ACOT11: variants seen among roughly 807,000 people sequenced by gnomAD.
ACOT11 encodes acyl-CoA thioesterase 11.
A neutral mutation model predicts 77.5 loss-of-function variants in ACOT11; 69 were observed. The ratio of observed to expected loss-of-function variants is 0.89; its 90% CI spans 0.73 to 1.09. The LOEUF is 1.09. Among genes scored for constraint, ACOT11 ranks in the 50% least tolerant of loss-of-function variants. ACOT11 has a pLI of 0.00. For missense variants in ACOT11, 766 were observed against 813.7 expected (o/e 0.94, Z 0.71); for synonymous variants, 279 against 313.0 (o/e 0.89, Z 1.15).
At chr1:54,550,115 T>C (rs1217283939) in intron 1 of ACOT11, among the ~76,000 whole-genome samples, 1 of 152,152 alleles carries the variant, frequency 6.6e-6, no homozygotes, top group Non-Finnish European at 1.5e-5. Context: ...ATCACACTGG[T>C]AGGAAGTGGC....
At chr1:54,615,989 G>A in intron 15 of ACOT11, 1 of 1,610,018 alleles carries the variant, frequency 6.2e-7, no homozygotes, top group Non-Finnish European at 8.5e-7. Flanking sequence ...GAGGGCTGGG[G>A]GCCGGAGAGG....
chr1:54,573,121 A>G, intron 1 of ACOT11: 1 of 985,460 alleles, frequency 1.0e-6, no homozygotes, highest in Non-Finnish European at 1.2e-6. Flanking sequence ...TCCTGGCTCC[A>G]GGTATGGGTC....
chr1:54,553,288 G>A lies in ACOT11; in HGVS notation c.33+4946G>A, dbSNP rs181436836. Reference sequence around the variant, plus strand: ...CCCAACACTTTGGGAGGCCGAGGTCGGTGGATTACTTGAGGTCAGGAGTTT... The same window carrying A: ...CCCAACACTTTGGGAGGCCGAGGTCAGTGGATTACTTGAGGTCAGGAGTTT... On this transcript the variant is annotated intron_variant, in intron 1 of 15. Coordinates refer to ENST00000343744, the MANE Select transcript of ACOT11 (RefSeq NM_147161.4). Among the ~76,000 whole-genome samples the A allele has an allele frequency of 3.6e-3, 540 of 151,654 alleles. 4 individuals carry two copies. The highest frequency in any genetic ancestry group is 0.013 in the African/African-American group (520 of 41,390).
Position 54,607,618 on chromosome 1 carries a change from CTT to C in ACOT11, c.1503-321_1503-320del, listed in dbSNP as rs1167158269. Among the ~76,000 whole-genome samples, 4 of 152,250 alleles carry C rather than the reference CTT, an allele frequency of 2.6e-5. No homozygotes were observed. The East Asian group carries it at 5.8e-4, about 22-fold the overall frequency. On this transcript the variant is annotated intron_variant, in intron 14 of 15. Transcript: ENST00000343744. This position sits in a 1 kb window ranked among gnomAD's most constrained non-coding sequence, Gnocchi z 4.5. Reference sequence around the variant, plus strand: ...TGTGGGCTGGAGGGCCTAAACATCTCTTTTGCTGGAGAGACAGGGACAGAAAA... The same window carrying C: ...TGTGGGCTGGAGGGCCTAAACATCTCTTGCTGGAGAGACAGGGACAGAAAA...
chr1:54,602,839 C>G (rs1643980860), intron 10 of ACOT11, 115 bp downstream of exon 10: 1 of 1,114,468 alleles, frequency 9.0e-7, no homozygotes. Flanking sequence ...CTGGGCCGGG[C>G]CCTTTACATC....
intron 15 of ACOT11, among the ~76,000 whole-genome samples, chr1:54,617,709 A>ATGTTT (rs1644187532): frequency 1.8e-5 from 1 of 55,736 alleles, no homozygotes; most frequent in Non-Finnish European, 3.0e-5. Context: ...AGGGCCTGAG[A>ATGTTT]TTTTTTTTTT....
At chr1:54,580,981 A>C (rs529522833) in intron 1 of ACOT11, among the ~76,000 whole-genome samples, 11 of 152,256 alleles carry the variant, frequency 7.2e-5, no homozygotes, top group Non-Finnish European at 1.3e-4. Flanking sequence ...TGCTGGGGTG[A>C]GTGGCAGGAG....
In ACOT11 at chr1:54,609,249, G is replaced by A. The variant is rs2289016; in HGVS notation, c.*137G>A. 524,442 of 1,593,652 alleles carry A rather than the reference G, an allele frequency of 0.33. 88,916 individuals are homozygous for A. Among genetic ancestry groups the A allele is most frequent in the East Asian group, 0.35 (15,644 of 44,570 alleles). On this transcript the variant is annotated 3_prime_UTR_variant, in exon 16 of 16. Transcript: ENST00000343744. ...GAAGCCTCCGCCCTGAGGTCCGCTGGCCCACCACCCCTGGGTGCTCAGTTT... is the reference window on the plus strand; with the variant it reads ...GAAGCCTCCGCCCTGAGGTCCGCTGACCCACCACCCCTGGGTGCTCAGTTT...
At chr1:54,580,902 T>G (rs1337454430) in intron 1 of ACOT11, among the ~76,000 whole-genome samples, 1 of 152,134 alleles carries the variant, frequency 6.6e-6, no homozygotes, top group Admixed American at 6.5e-5. Context: ...CACCTTCATG[T>G]TGGGGGAAGA....
chr1:54,601,615 A>G lies in ACOT11; in HGVS notation c.1029+202A>G, dbSNP rs187254179. ...GCAGGGCGGGCTTGTTCTGCCTGAC[A>G]GAACTCGGAGTATGTGTGGGTCTGG... On this transcript the variant is annotated intron_variant, in intron 9 of 15. Transcript: ENST00000343744. Among the ~76,000 whole-genome samples, 76 of 152,304 alleles carry G rather than the reference A, an allele frequency of 5.0e-4. No individual in the cohort carries two copies. In the East Asian group the frequency reaches 0.014, roughly 29 times the overall value.
chr1:54,601,150 T>C, intron 8 of ACOT11, 119 bp from the exon 9 acceptor site: 3 of 1,149,980 alleles, frequency 2.6e-6, no homozygotes, highest in Non-Finnish European at 2.5e-6. Flanking sequence ...CGTGTGTGTG[T>C]GTGCATGCAT....
At chr1:54,636,289 G>C (rs531929822) in exon 17 of ACOT11, 4 of 152,326 alleles carry the variant, frequency 2.6e-5, no homozygotes, top group African/African-American at 9.6e-5. Context: ...AGTTCCCTTA[G>C]TATTTATTGA....
intron 15 of ACOT11, chr1:54,619,788 T>C: frequency 5.4e-6 from 8 of 1,487,640 alleles, no homozygotes; most frequent in Non-Finnish European, 7.4e-6. Context: ...GTGACCAGTG[T>C]CTGATCCTCA....
chr1:54,612,334 G>A, downstream of ACOT11: 1 of 613,056 alleles, frequency 1.6e-6, no homozygotes, highest in Non-Finnish European at 2.9e-6. Flanking sequence ...CCAGAGGTAT[G>A]CAAGCAGAAA....
downstream of ACOT11, chr1:54,610,878 C>T (rs748532642): frequency 1.5e-4 from 147 of 985,260 alleles, no homozygotes; most frequent in Admixed American, 2.5e-4. Flanking sequence ...GATGGCTTAA[C>T]TGCGGCTCTT....
intron 1 of ACOT11, among the ~76,000 whole-genome samples, chr1:54,549,019 CA>C (rs1652972964): frequency 6.6e-6 from 1 of 152,166 alleles, no homozygotes; most frequent in African/African-American, 2.4e-5. Context: ...GTAAGACTGG[CA>C]GAGGCTGACC....
At chr1:54,552,931 G>T (rs147662086) in intron 1 of ACOT11, among the ~76,000 whole-genome samples, 1 of 151,114 alleles carries the variant, frequency 6.6e-6, no homozygotes, top group Non-Finnish European at 1.5e-5. Context: ...AGGTTCAAGC[G>T]ATTCTCCTGC....
At chr1:54,588,927 G>C (rs937199959) in intron 3 of ACOT11, among the ~76,000 whole-genome samples, 1 of 152,178 alleles carries the variant, frequency 6.6e-6, no homozygotes. Flanking sequence ...GGACACACCT[G>C]AGGAAAGATT....
chr1:54,604,491 G>A (rs932680556), intron 12 of ACOT11, 62 bp downstream of exon 12: 15 of 1,474,880 alleles, frequency 1.0e-5, no homozygotes, highest in South Asian at 4.6e-5. Context: ...CTAATGGCAA[G>A]CAACAAGAAC....
Sources: gnomAD v4.1 joint callset for allele counts (sites outside exome capture counted in the v4.1 genomes callset) on GRCh38, gnomAD v4.1.1 for gene constraint, Gnocchi (gnomAD v3.1) non-coding constraint, MANE v1.5 for transcripts, NCBI Gene and HGNC (gene_info 2026-07-23, HGNC 2026-07-21) for gene names.